OTX1: variants seen among roughly 807,000 people sequenced by gnomAD.
OTX1 encodes homeobox protein OTX1.
A neutral mutation model predicts 26.7 loss-of-function variants in OTX1; 7 were observed. The observed-to-expected ratio is 0.26, with a 90% CI of 0.15 to 0.49. OTX1 has a LOEUF of 0.49. Ranked by LOEUF, OTX1 falls within the 20% of genes least tolerant of loss-of-function variation. The probability of loss-of-function intolerance (pLI) is 0.98; values close to 1 mark genes in which losing one functional copy is unlikely to be tolerated. For synonymous variants in OTX1, 216 were observed against 212.8 expected (o/e 1.01, Z -0.13); for missense variants, 414 against 483.8 (o/e 0.86, Z 1.35).
chr2:63,056,587 C>G lies in OTX1; in HGVS notation c.*271C>G, dbSNP rs962493523. On this transcript the variant is annotated 3_prime_UTR_variant, in exon 5 of 5. Transcript: ENST00000282549. Reference sequence around the variant, plus strand: ...TACAGGAGAGATGTATTATTTCCCCCCTTCAGCCCCTACTAAACTCTTAAG... The same window carrying G: ...TACAGGAGAGATGTATTATTTCCCCGCTTCAGCCCCTACTAAACTCTTAAG... 1 of 521,312 alleles carries G rather than the reference C, an allele frequency of 1.9e-6. No homozygotes were observed. Among genetic ancestry groups the G allele is most frequent in the East Asian group, 3.2e-5 (1 of 31,688 alleles). 32.3% of individuals were successfully genotyped at this position (521,312 alleles called of 1,614,324 possible).
At position 63,052,954 on chromosome 2, in the gene OTX1, C is replaced by G; in HGVS notation, c.-37C>G. 1.4e-6 allele frequency: 2 copies of G among 1,479,614 alleles called. No homozygotes were observed. The highest frequency in any genetic ancestry group is 2.3e-5 in the South Asian group (2 of 88,144). The allele number at this position is 1,479,614 out of a possible 1,614,324, so 91.7% of individuals were successfully genotyped here. ...CTGCACCGCTCCTGGCCCCGGGCCC[C>G]CTGGATCCGTCGGGGCGCCTCCACC... is the stretch of plus-strand genomic sequence containing the variant. On this transcript the variant is annotated 5_prime_UTR_variant, in exon 3 of 5. Coordinates refer to ENST00000282549, the MANE Select transcript of OTX1 (RefSeq NM_014562.4).
rs2062076571 is a variant in OTX1, at chr2:63,057,439, C to T, written c.*1123C>T. 6.6e-6 allele frequency: 1 copy of T among 152,280 alleles called. No homozygotes were observed. The highest frequency in any genetic ancestry group is 6.5e-5 in the Admixed American group (1 of 15,290). 9.4% of individuals were successfully genotyped at this position (152,280 alleles called of 1,614,324 possible). On this transcript the variant is annotated 3_prime_UTR_variant, in exon 5 of 5. Transcript: ENST00000282549. ...CCCTCACCCGGTCTAAGCACAGGGT[C>T]GCAGTTCCAGTTTACAAACCTAAAA...
At chr2:63,054,273 A>C in intron 4 of OTX1, 75 bp downstream of exon 4, 1 of 1,446,674 alleles carries the variant, frequency 6.9e-7, no homozygotes, top group South Asian at 1.4e-5. Flanking sequence ...AAGGCTCTTG[A>C]GTAGTTCTTG....
rs751348174 is a variant in OTX1, at chr2:63,056,112, C to A, written c.861C>A (p.Ser287Arg). The A allele has an allele frequency of 1.2e-6, 2 of 1,613,994 alleles. No homozygotes were observed. The highest frequency in any genetic ancestry group is 1.1e-5 in the South Asian group (1 of 91,066). ...HHHPHAHHPL[S>R]QSSGHHHHHH... ...ACCCACATGCGCACCACCCGTTGAG[C>A]CAGTCCTCAGGCCACCACCACCACC... is the stretch of plus-strand genomic sequence containing the variant. The change falls in exon 5 of 5, where the codon AGC becomes AGA. Residue 287 changes from serine to arginine, a missense_variant. Physicochemically the swap from Ser to Arg is moderately radical, Grantham distance 110 (BLOSUM62 -1). Transcript: ENST00000282549.
Position 63,055,378 on chromosome 2 carries a change from G to T in OTX1, c.250-123G>T, listed in dbSNP as rs937845265. 1.9e-6 allele frequency: 2 copies of T among 1,048,330 alleles called. No homozygotes were observed. The highest frequency in any genetic ancestry group is 3.2e-5 in the African/African-American group (2 of 62,470). The allele number at this position is 1,048,330 out of a possible 1,614,324, so 64.9% of individuals were successfully genotyped here. A position where few individuals can be genotyped will look rare whatever the true frequency, so the allele number is the denominator to read the frequency against. The stretch of plus-strand genomic sequence containing the variant: ...TCTGGCCAGGCCAGAGACAGGAAGG[G>T]GCGGAGGCCTCGGTGAGAAAGGATT... On this transcript the variant is annotated intron_variant, in intron 4 of 4. Transcript: ENST00000282549. The surrounding 1 kb of genome is among the most constrained non-coding windows in gnomAD (Gnocchi z 5.2).
In OTX1 at chr2:63,055,596, G is replaced by C. The variant is rs755425107; in HGVS notation, c.345G>C (p.Val115=). 6.2e-7 allele frequency: 1 copy of C among 1,614,170 alleles called. No homozygotes were observed. Among genetic ancestry groups the C allele is most frequent in the Admixed American group, 1.7e-5 (1 of 60,032 alleles). ...CAGCCAAGAAGAAGTCCTCTCCAGT[G>C]CGGGAGAGCTCGGGCTCCGAAAGCA... The part of the protein sequence containing the change: ...SRPAKKKSSP[V]RESSGSESSG... Residue 115 remains valine, a synonymous_variant, in exon 5 of 5, where the codon GTG becomes GTC. Transcript: ENST00000282549. The surrounding 1 kb of genome is among the most constrained non-coding windows in gnomAD (Gnocchi z 5.2).
rs533124125 is a variant in OTX1 at position 63,056,072 on chromosome 2, G to T, written c.821G>T (p.Gly274Val). 33 of 1,613,192 alleles carry T rather than the reference G, an allele frequency of 2.0e-5. No homozygotes were observed. The East Asian group carries it at 4.9e-4, about 24-fold the overall frequency. ...LSPMAPSSMA[G>V]HHHHHPHAHH... ...CCCATGGCACCCTCCTCCATGGCGG[G>T]CCACCATCATCACCACCCACATGCG... is the stretch of plus-strand genomic sequence containing the variant. The change falls in exon 5 of 5, where the codon GGC becomes GTC. Residue 274 changes from glycine (G) to valine (V), a missense_variant. Coordinates refer to ENST00000282549, the MANE Select transcript of OTX1 (RefSeq NM_014562.4).
chr2:63,056,024 A>G lies in OTX1; in HGVS notation c.773A>G (p.His258Arg). 1.2e-6 allele frequency: 2 copies of G among 1,613,496 alleles called. No homozygotes were observed. Among genetic ancestry groups the G allele is most frequent in the Middle Eastern group, 3.3e-4 (2 of 6,056 alleles). ...CSSYLAPMHS[H>R]HHPHQLSPMA... is the part of the protein sequence containing the mutation. Reference sequence around the variant, plus strand: ...TCATACCTAGCGCCCATGCACTCACATCACCACCCGCACCAGCTCAGCCCC... The same window carrying G: ...TCATACCTAGCGCCCATGCACTCACGTCACCACCCGCACCAGCTCAGCCCC... The change falls in exon 5 of 5, where the codon CAT (histidine) becomes CGT (arginine). Residue 258 changes from histidine to arginine, a missense_variant. Coordinates refer to ENST00000282549, the MANE Select transcript of OTX1 (RefSeq NM_014562.4).
rs1574629267 is a variant in OTX1 at position 63,055,274 on chromosome 2, C to T, written c.250-227C>T. On this transcript the variant is annotated intron_variant, in intron 4 of 4. Transcript: ENST00000282549. This position sits in a 1 kb window ranked among gnomAD's most constrained non-coding sequence, Gnocchi z 5.2. ...GGGTGGGGAGGTGCGCATCCCTGCT[C>T]TGGAGCCAGCTGAGGAGGGGCTTTG... 6.6e-6 allele frequency among the ~76,000 whole-genome samples: 1 copy of T among 152,136 alleles called. No individual in the cohort carries two copies. The highest frequency in any genetic ancestry group is 1.9e-4 in the East Asian group (1 of 5,152).
intron 2 of OTX1, 143 bp from the exon 3 acceptor site, chr2:63,052,735 CTG>C (rs1205420675): frequency 8.5e-6 from 4 of 470,686 alleles, no homozygotes; most frequent in Non-Finnish European, 1.5e-5. Context: ...TTCAAAGTAA[CTG>C]TGGTTTCTGG....
chr2:63,049,833 G>C (rs746440474), upstream of OTX1, among the ~76,000 whole-genome samples: 1 of 152,184 alleles, frequency 6.6e-6, no homozygotes, highest in Non-Finnish European at 1.5e-5. The surrounding 1 kb of genome is among the most constrained non-coding windows in gnomAD (Gnocchi z 4.8). Flanking sequence ...AGTTTTTTCG[G>C]GTGGGAAATG....
upstream of OTX1, chr2:63,050,777 C>G (rs890010468): frequency 6.6e-6 from 1 of 152,218 alleles, no homozygotes; most frequent in African/African-American, 2.4e-5. Flanking sequence ...GCGGCCTAGC[C>G]CCGTTACGCA....
Position 63,056,456 on chromosome 2 carries a change from C to A in OTX1, c.*140C>A. 1 of 767,932 alleles carries A rather than the reference C, an allele frequency of 1.3e-6. No individual in the cohort carries two copies. The highest frequency in any genetic ancestry group is 2.1e-6 in the Non-Finnish European group (1 of 487,232). The allele number at this position is 767,932 out of a possible 1,614,324, so 47.6% of individuals were successfully genotyped here. A position where few individuals can be genotyped will look rare whatever the true frequency, so the allele number is the denominator to read the frequency against. On this transcript the variant is annotated 3_prime_UTR_variant, in exon 5 of 5. Transcript: ENST00000282549. Reference sequence around the variant, plus strand: ...CACCCCCCAAAAAGATGTCCATTGCCTGCACTGCCGCCCCCATTTTTGTGC... The same window carrying A: ...CACCCCCCAAAAAGATGTCCATTGCATGCACTGCCGCCCCCATTTTTGTGC...
rs61742369 is a variant in OTX1, at chr2:63,055,927, G to A, written c.676G>A (p.Gly226Ser). 2,319 of 1,612,628 alleles carry A rather than the reference G, an allele frequency of 1.4e-3. 25 individuals are homozygous for A. The African/African-American group carries it at 0.026, about 18-fold the overall frequency. ...AGCAGCCTCTTATCCCATGTCCTAC[G>A]GCCAGGGCGGCAGCTACGGCCAAGG... The part of the protein sequence containing the change: ...TAAASYPMSY[G>S]QGGSYGQGYP... Residue 226 changes from glycine to serine, a missense_variant, in exon 5 of 5, where the codon GGC becomes AGC. Around this residue, in one of 3 missense-constraint regions of OTX1, gnomAD observed 320 missense variants for 347.9 expected, o/e 0.92. Coordinates refer to ENST00000282549, the MANE Select transcript of OTX1 (RefSeq NM_014562.4). This position sits in a 1 kb window ranked among gnomAD's most constrained non-coding sequence, Gnocchi z 5.2.
chr2:63,056,635 A>G lies in OTX1; in HGVS notation c.*319A>G. On this transcript the variant is annotated 3_prime_UTR_variant, in exon 5 of 5. Transcript: ENST00000282549. ...AAGCCTCCCCTTCCAGTCTTTCTGG[A>G]CAGCTATTAAGCACTTGCAGCCTTC... 1 of 396,394 alleles carries G rather than the reference A, an allele frequency of 2.5e-6. No individual in the cohort carries two copies. Among genetic ancestry groups the G allele is most frequent in the Non-Finnish European group, 4.6e-6 (1 of 216,502 alleles). The allele number at this position is 396,394 out of a possible 1,614,324, so 24.6% of individuals were successfully genotyped here.
At position 63,053,983 on chromosome 2, in the gene OTX1, G is replaced by C; in HGVS notation, c.98-64G>C. 4 of 1,566,480 alleles carry C rather than the reference G, an allele frequency of 2.6e-6. No individual in the cohort carries two copies. The East Asian group carries it at 9.5e-5, about 37-fold the overall frequency. The stretch of plus-strand genomic sequence containing the variant: ...ATCTGGGCCTGCCAGGGGCCTGCCC[G>C]AGTCCTCTATCGCGGGTCCACGTGG... On this transcript the variant is annotated intron_variant, in intron 3 of 4. Transcript: ENST00000282549.
chr2:63,056,330 A>G lies in OTX1; in HGVS notation c.*14A>G, dbSNP rs746399082. On this transcript the variant is annotated 3_prime_UTR_variant, in exon 5 of 5. Coordinates refer to ENST00000282549, the MANE Select transcript of OTX1 (RefSeq NM_014562.4). ...CAGGTCTTGTGAGCCCAGGAATGAA[A>G]GAGGAGAAGAAACGCAACTACCTGC... 4 of 1,597,158 alleles carry G rather than the reference A, an allele frequency of 2.5e-6. No individual in the cohort carries two copies. Among genetic ancestry groups the G allele is most frequent in the Non-Finnish European group, 3.4e-6 (4 of 1,169,018 alleles).
Position 63,055,255 on chromosome 2 carries a change from G to A in OTX1, c.250-246G>A, listed in dbSNP as rs1435404567. On this transcript the variant is annotated intron_variant, in intron 4 of 4. Coordinates refer to ENST00000282549, the MANE Select transcript of OTX1 (RefSeq NM_014562.4). The surrounding 1 kb of genome is among the most constrained non-coding windows in gnomAD (Gnocchi z 5.2). Reference sequence around the variant, plus strand: ...TAGGGCAGAGTTGCGGTAGGGGTGGGGAGGTGCGCATCCCTGCTCTGGAGC... The same window carrying A: ...TAGGGCAGAGTTGCGGTAGGGGTGGAGAGGTGCGCATCCCTGCTCTGGAGC... Among the ~76,000 whole-genome samples the A allele has an allele frequency of 2.0e-5, 3 of 152,314 alleles. No homozygotes were observed. Among genetic ancestry groups the A allele is most frequent in the African/African-American group, 7.2e-5 (3 of 41,564 alleles).
Position 63,053,030 on chromosome 2 carries a change from G to A in OTX1, c.40G>A (p.Gly14Arg), listed in dbSNP as rs150197048. The A allele has an allele frequency of 6.2e-7, 1 of 1,608,056 alleles. No homozygotes were observed. The change falls in exon 3 of 5, where the codon GGG (glycine) becomes AGG (arginine). Residue 14 changes from glycine to arginine, a missense_variant. Gly to Arg is a moderately radical substitution (Grantham distance 125, BLOSUM62 -2). This residue lies in a region of OTX1 where 48 missense variants were observed against 41.6 expected (regional missense o/e 1.15). Coordinates refer to ENST00000282549, the MANE Select transcript of OTX1 (RefSeq NM_014562.4). Reference protein sequence around the residue: ...YLKQPPYGMNGLGLAGPAMDL... With the variant: ...YLKQPPYGMNRLGLAGPAMDL... ...CAAACAACCCCCATACGGCATGAAC[G>A]GGCTGGGCCTGGCCGGGCCCGCCAT...
Sources: allele counts gnomAD v4.1 joint callset (sites outside exome capture counted in the v4.1 genomes callset), GRCh38; gene constraint gnomAD v4.1.1; regional missense constraint gnomAD v4.1.1; non-coding constraint Gnocchi (gnomAD v3.1); transcripts MANE v1.5; gene names NCBI Gene and HGNC (gene_info 2026-07-23, HGNC 2026-07-21).